GCG: variants seen among roughly 807,000 people sequenced by gnomAD.
The protein encoded by GCG is glucagon.
Under a neutral mutation model 22.8 loss-of-function variants are expected in GCG, and 11 were observed. The ratio of observed to expected loss-of-function variants is 0.48; its 90% CI spans 0.30 to 0.80. The LOEUF is 0.80. GCG is among the 30% of genes least tolerant of loss of function. The pLI, the probability that GCG is intolerant of heterozygous loss-of-function variation, is 0.06. For missense variants in GCG, 222 were observed against 222.0 expected (o/e 1.00, Z 0.00); for synonymous variants, 89 against 72.4 (o/e 1.23, Z -1.16).
intron 4 of GCG, chr2:162,144,922 G>A (rs1412513206): frequency 6.6e-6 from 1 of 152,048 alleles, no homozygotes; most frequent in Non-Finnish European, 1.5e-5. Flanking sequence ...TTTCAACTTA[G>A]ATTATTTAGT....
chr2:162,144,800 C>T (rs931692023), intron 4 of GCG: 2 of 151,978 alleles, frequency 1.3e-5, no homozygotes, highest in African/African-American at 4.8e-5. Flanking sequence ...AACATAAATT[C>T]TCCGTCTCTC....
intron 1 of GCG, among the ~76,000 whole-genome samples, chr2:162,149,530 T>G (rs566421338): frequency 6.6e-6 from 1 of 152,130 alleles, no homozygotes; most frequent in Non-Finnish European, 1.5e-5. Flanking sequence ...GTAGATGATA[T>G]GCTACATATG....
At chr2:162,149,215 T>G in intron 1 of GCG, 28 bp from the exon 2 acceptor site, 1 of 1,234,344 alleles carries the variant, frequency 8.1e-7, no homozygotes. Context: ...GGGGGTAGGG[T>G]GAGGGGGGCA....
intron 2 of GCG, among the ~76,000 whole-genome samples, chr2:162,148,809 G>C (rs979551927): frequency 2.0e-5 from 3 of 152,052 alleles, no homozygotes; most frequent in Non-Finnish European, 4.4e-5. Context: ...CAGTGTGTGA[G>C]TAATGAATTG....
chr2:162,150,247 C>T (rs1037421335), intron 1 of GCG, among the ~76,000 whole-genome samples: 2 of 152,048 alleles, frequency 1.3e-5, no homozygotes, highest in African/African-American at 2.4e-5. Context: ...CTTTGAGAAG[C>T]GGGCATTTCA....
intron 2 of GCG, among the ~76,000 whole-genome samples, 182 bp downstream of exon 2, chr2:162,148,905 A>G (rs1686763195): frequency 6.7e-6 from 1 of 149,204 alleles, no homozygotes; most frequent in Non-Finnish European, 1.5e-5. Context: ...TTTATTATAA[A>G]AAACACAAAC....
intron 1 of GCG, among the ~76,000 whole-genome samples, chr2:162,150,161 C>T (rs1319685966): frequency 6.6e-6 from 1 of 152,092 alleles, no homozygotes; most frequent in South Asian, 2.1e-4. Context: ...AGAGCAAGCG[C>T]TTCTATTTTC....
At chr2:162,145,497 T>C (rs1242902591) in intron 4 of GCG, 43 bp downstream of exon 4, 4 of 1,542,816 alleles carry the variant, frequency 2.6e-6, no homozygotes, top group Non-Finnish European at 3.5e-6. Flanking sequence ...TTAAATTTTC[T>C]GCATCAAGGC....
intron 1 of GCG, 41 bp from the exon 2 acceptor site, chr2:162,149,228 C>T (rs891411684): frequency 8.8e-7 from 1 of 1,142,502 alleles, no homozygotes; most frequent in Admixed American, 1.8e-5. Flanking sequence ...GGGGGGCAGG[C>T]AAGGATTTTT....
At chr2:162,150,700 T>G (rs1686811905) in intron 1 of GCG, among the ~76,000 whole-genome samples, 1 of 152,240 alleles carries the variant, frequency 6.6e-6, no homozygotes, top group South Asian at 2.1e-4. Context: ...AAGCACTTCT[T>G]TTAAAAATTA....
At chr2:162,144,202 AT>A in intron 4 of GCG, 32 bp from the exon 5 acceptor site, 1 of 1,556,814 alleles carries the variant, frequency 6.4e-7, no homozygotes, top group African/African-American at 1.4e-5. Context: ...TTAGCGTTTG[AT>A]TAGATATTTT....
chr2:162,145,473 A>G, intron 4 of GCG, 67 bp downstream of exon 4: 1 of 1,292,380 alleles, frequency 7.7e-7, no homozygotes, highest in Non-Finnish European at 1.1e-6. Flanking sequence ...ATCCATATAT[A>G]GATAACTGTA....
Position 162,145,694 on chromosome 2 carries a change from A to C in GCG, c.255-17T>G. ...ATGTTATTCCTGAAAGAAATGTGAA[A>C]GTTAAATTGAAGATCTGTCTCTTTG... On this transcript the variant is annotated splice_polypyrimidine_tract_variant and intron_variant, in intron 3 of 5. Transcript: ENST00000418842. 2 of 1,605,164 alleles carry C rather than the reference A, an allele frequency of 1.2e-6. No individual in the cohort carries two copies. The highest frequency in any genetic ancestry group is 1.7e-6 in the Non-Finnish European group (2 of 1,175,358).
chr2:162,149,363 AT>A (rs1686777317), intron 1 of GCG, among the ~76,000 whole-genome samples, 176 bp from the exon 2 acceptor site: 1 of 152,070 alleles, frequency 6.6e-6, no homozygotes, highest in Non-Finnish European at 1.5e-5. Context: ...GGGTTATATT[AT>A]TTCCCCAGAT....
intron 1 of GCG, among the ~76,000 whole-genome samples, chr2:162,149,897 A>C (rs1686790361): frequency 6.6e-6 from 1 of 152,154 alleles, no homozygotes; most frequent in South Asian, 2.1e-4. Flanking sequence ...AAAAACTAAG[A>C]GATTACTATG....
In GCG at chr2:162,147,422, T is replaced by C. The variant is rs777002584; in HGVS notation, c.185A>G (p.Tyr62Cys). ...RHSQGTFTSD[Y>C]SKYLDSRRAQ... ...ACGCCTGGAGTCCAGATACTTGCTG[T>C]AGTCACTGGTGAATGTGCCCTGTGA... Residue 62 changes from tyrosine to cysteine, a missense_variant, in exon 3 of 6, where the codon TAC (tyrosine) becomes TGC (cysteine). Transcript: ENST00000418842. 2.5e-6 allele frequency: 4 copies of C among 1,612,470 alleles called. No homozygotes were observed. In the East Asian group the frequency reaches 8.9e-5, roughly 36 times the overall value.
At position 162,144,494 on chromosome 2, in the gene GCG, T is replaced by C. The variant is rs1043676394; in HGVS notation, c.393-324A>G. 5 of 220,176 alleles carry C rather than the reference T, an allele frequency of 2.3e-5. No individual in the cohort carries two copies. The Admixed American group carries it at 2.6e-4, about 11-fold the overall frequency. 13.6% of individuals were successfully genotyped at this position (220,176 alleles called of 1,614,324 possible). On this transcript the variant is annotated intron_variant, in intron 4 of 5. Coordinates refer to ENST00000418842, the MANE Select transcript of GCG (RefSeq NM_002054.5). ...TTAGTCTGTAATTCAACTAAATATA[T>C]CATATCCTATAAAACCAGAGCTTGC...
chr2:162,151,555 A>G (rs1686837718), intron 1 of GCG, among the ~76,000 whole-genome samples: 1 of 152,152 alleles, frequency 6.6e-6, no homozygotes, highest in South Asian at 2.1e-4. Flanking sequence ...ATGCATCCAA[A>G]GAAAACCCCC....
chr2:162,149,896 G>C (rs1686790284), intron 1 of GCG, among the ~76,000 whole-genome samples: 1 of 152,020 alleles, frequency 6.6e-6, no homozygotes, highest in Non-Finnish European at 1.5e-5. Flanking sequence ...AAAAAACTAA[G>C]AGATTACTAT....
Sources: gnomAD v4.1 joint callset for allele counts (sites outside exome capture counted in the v4.1 genomes callset) on GRCh38, gnomAD v4.1.1 for gene constraint, MANE v1.5 for transcripts, NCBI Gene and HGNC (gene_info 2026-07-23, HGNC 2026-07-21) for gene names.